PIAS1: variants seen among roughly 807,000 people sequenced by gnomAD.
PIAS1 encodes the protein protein inhibitor of activated STAT 1, also known as E3 SUMO-protein ligase PIAS1.
A neutral mutation model predicts 71.3 loss-of-function variants in PIAS1; 6 were observed. The observed-to-expected ratio is 0.08, with a 90% CI of 0.05 to 0.17. The LOEUF is 0.17. Ranked by LOEUF, PIAS1 falls within the 10% of genes least tolerant of loss-of-function variation. PIAS1 has a pLI of 1.00. For missense variants in PIAS1, 555 were observed against 793.6 expected, an observed-to-expected ratio of 0.70 and a Z score of 3.61; for synonymous variants, 303 against 292.9, an observed-to-expected ratio of 1.03 and a Z score of -0.35.
intron 11 of PIAS1, among the ~76,000 whole-genome samples, chr15:68,179,561 G>GTTTTTTTTTT (rs1307028845): frequency 5.3e-4 from 16 of 30,184 alleles, no homozygotes; most frequent in Admixed American, 9.0e-4. Context: ...CTCGTGAAAT[G>GTTTTTTTTTT]TTCTTTTTTT....
At chr15:68,127,216 G>T (rs527770717) in intron 2 of PIAS1, among the ~76,000 whole-genome samples, 4 of 152,200 alleles carry the variant, frequency 2.6e-5, no homozygotes, top group East Asian at 1.9e-4. Flanking sequence ...GAGCCACCGC[G>T]CCTGGTCATT....
In PIAS1 at chr15:68,187,830, G is replaced by C; in HGVS notation, c.1951G>C (p.Asp651His). ...CATCATACCAGACATTATTTCATTG[G>C]ACTGATTCCCAGGCCCTGCTGCTCC... The part of the protein sequence containing the change: ...FGIIPDIISL[D>H] The change falls in exon 14 of 14, where the codon GAC (aspartate) becomes CAC (histidine). Residue 651 changes from aspartate to histidine, a missense_variant. By Grantham distance (81) the Asp-to-His change is moderately conservative. Transcript: ENST00000249636. The surrounding 1 kb of genome is among the most constrained non-coding windows in gnomAD (Gnocchi z 5.3). The C allele has an allele frequency of 1.2e-6, 2 of 1,611,762 alleles. No individual in the cohort carries two copies. The highest frequency in any genetic ancestry group is 1.7e-6 in the Non-Finnish European group (2 of 1,178,864).
At chr15:68,082,149 G>T (rs182990208) in intron 1 of PIAS1, among the ~76,000 whole-genome samples, 121 of 152,220 alleles carry the variant, frequency 7.9e-4, no homozygotes, top group African/African-American at 2.8e-3. Context: ...AAGGGTAAAT[G>T]AAGATTTTAA....
At chr15:68,157,375 A>G (rs375396488) in intron 7 of PIAS1, among the ~76,000 whole-genome samples, 4 of 152,272 alleles carry the variant, frequency 2.6e-5, no homozygotes, top group South Asian at 2.1e-4. Context: ...AAGCTCCTCT[A>G]TGGATAGAGC....
intron 2 of PIAS1, among the ~76,000 whole-genome samples, chr15:68,089,785 A>AC (rs1331733351): frequency 6.6e-6 from 1 of 151,862 alleles, no homozygotes; most frequent in Admixed American, 6.6e-5. Flanking sequence ...TGAGCTCCTG[A>AC]CCTCAGTTGA....
At chr15:68,070,776 A>G (rs969815756) in intron 1 of PIAS1, among the ~76,000 whole-genome samples, 2 of 152,172 alleles carry the variant, frequency 1.3e-5, no homozygotes, top group South Asian at 2.1e-4. Context: ...ATTAAAATTA[A>G]TTTCACCTAC....
In PIAS1 at chr15:68,119,810, T is replaced by C. The variant is rs147359663; in HGVS notation, c.470-22136T>C. ...TTGTGGATTTGTTTATTTCTCATTG[T>C]AGTTCTATCAGTTTTTGCTTCATGT... On this transcript the variant is annotated intron_variant, in intron 2 of 13. Transcript: ENST00000249636. 3.0e-4 allele frequency among the ~76,000 whole-genome samples: 46 copies of C among 152,348 alleles called. 2 individuals carry two copies. The East Asian group carries it at 3.3e-3, about 11-fold the overall frequency.
chr15:68,123,122 G>A (rs1351786146), intron 2 of PIAS1, among the ~76,000 whole-genome samples: 2 of 152,040 alleles, frequency 1.3e-5, no homozygotes, highest in African/African-American at 2.4e-5. Flanking sequence ...TACAAGCGTA[G>A]CTCACTGCAA....
chr15:68,096,759 T>C (rs543389647), intron 2 of PIAS1, among the ~76,000 whole-genome samples: 2 of 152,296 alleles, frequency 1.3e-5, no homozygotes, highest in East Asian at 3.9e-4. Context: ...TGTGTGTCGA[T>C]TTTGTATCCT....
rs138876877 is a variant in PIAS1 at position 68,157,735 on chromosome 15, G to A, written c.934+4040G>A. Among the ~76,000 whole-genome samples, 7 of 152,002 alleles carry A rather than the reference G, an allele frequency of 4.6e-5. No individual in the cohort carries two copies. The East Asian group carries it at 1.2e-3, about 25-fold the overall frequency. On this transcript the variant is annotated intron_variant, in intron 7 of 13. Coordinates refer to ENST00000249636, the MANE Select transcript of PIAS1 (RefSeq NM_016166.3). ...TTTTATCTTGGGTGCACTTTTCTAC[G>A]CACCCTTATGGTTTAAAACTAACAC...
chr15:68,142,300 G>A lies in PIAS1; in HGVS notation c.565G>A (p.Gly189Arg). The A allele has an allele frequency of 6.2e-7, 1 of 1,605,310 alleles. No individual in the cohort carries two copies. The highest frequency in any genetic ancestry group is 2.2e-5 in the East Asian group (1 of 44,732). ...QQISSSMDIS[G>R]TKCDFTVQVQ... is the part of the protein sequence containing the mutation. ...TTCTGTCTCTTCTAGGGATATTTCT[G>A]GGACCAAATGTGACTTCACAGTACA... Residue 189 changes from glycine (G) to arginine (R), a missense_variant, in exon 4 of 14, where the codon GGG (glycine) becomes AGG (arginine). By Grantham distance (125) the Gly-to-Arg change is moderately radical. Transcript: ENST00000249636.
At chr15:68,117,176 CT>C (rs1407845436) in intron 2 of PIAS1, among the ~76,000 whole-genome samples, 1 of 152,180 alleles carries the variant, frequency 6.6e-6, no homozygotes, top group Non-Finnish European at 1.5e-5. Flanking sequence ...CAGCCTCTGC[CT>C]CCCGGGTTCA....
chr15:68,086,386 C>G lies in PIAS1; in HGVS notation c.105C>G (p.His35Gln). 2 of 1,613,770 alleles carry G rather than the reference C, an allele frequency of 1.2e-6. No individual in the cohort carries two copies. The highest frequency in any genetic ancestry group is 1.7e-6 in the Non-Finnish European group (2 of 1,179,788). ...YAGRNKHGRK[H>Q]ELLTKALHLL... ...GGAGAAACAAGCACGGACGCAAACA[C>G]GAACTTCTCACAAAAGCCCTGCATT... The change falls in exon 2 of 14, where the codon CAC becomes CAG. Residue 35 changes from histidine to glutamine, a missense_variant. Physicochemically the swap from His to Gln is conservative, Grantham distance 24 (BLOSUM62 0). Coordinates refer to ENST00000249636, the MANE Select transcript of PIAS1 (RefSeq NM_016166.3). The surrounding 1 kb of genome is among the most constrained non-coding windows in gnomAD (Gnocchi z 7.2).
At position 68,145,771 on chromosome 15, in the gene PIAS1, G is replaced by A. The variant is rs60794527; in HGVS notation, c.603-45G>A. The A allele has an allele frequency of 1.4e-3, 1,452 of 1,072,152 alleles. 7 individuals carry two copies. In the African/African-American group the frequency reaches 0.014, roughly 11 times the overall value. 66.4% of individuals were successfully genotyped at this position (1,072,152 alleles called of 1,614,324 possible). A position where few individuals can be genotyped will look rare whatever the true frequency, so the allele number is the denominator to read the frequency against. On this transcript the variant is annotated intron_variant, in intron 4 of 13. Coordinates refer to ENST00000249636, the MANE Select transcript of PIAS1 (RefSeq NM_016166.3). The stretch of plus-strand genomic sequence containing the variant: ...TCTATTTAACAATAATACTAATGAA[G>A]TCATCCTTTAATAAAGGAAATTAAA...
Position 68,187,910 on chromosome 15 carries a change from G to GT in PIAS1, c.*79dup. 1.5e-6 allele frequency: 2 copies of GT among 1,359,218 alleles called. No individual in the cohort carries two copies. Among genetic ancestry groups the GT allele is most frequent in the South Asian group, 2.6e-5 (2 of 76,362 alleles). The allele number at this position is 1,359,218 out of a possible 1,614,324, so 84.2% of individuals were successfully genotyped here. A position where few individuals can be genotyped will look rare whatever the true frequency, so the allele number is the denominator to read the frequency against. On this transcript the variant is annotated 3_prime_UTR_variant, in exon 14 of 14. Coordinates refer to ENST00000249636, the MANE Select transcript of PIAS1 (RefSeq NM_016166.3). The surrounding 1 kb of genome is among the most constrained non-coding windows in gnomAD (Gnocchi z 5.3). ...CAGAAAGAAGAGAACTTTGTGCTCT[G>GT]TTTTACCTTACTCTGTTTAGAAAAG...
In PIAS1 at chr15:68,103,188, A is replaced by G. The variant is rs186332977; in HGVS notation, c.469+16438A>G. Among the ~76,000 whole-genome samples the G allele has an allele frequency of 6.9e-3, 1,050 of 152,130 alleles. 5 individuals are homozygous for G. Among genetic ancestry groups the G allele is most frequent in the Middle Eastern group, 0.014 (4 of 292 alleles). ...GTGATCTGCCCGCCTCGCCCACCCA[A>G]AGAGCTAGGATTACAGGTGTGAGCC... On this transcript the variant is annotated intron_variant, in intron 2 of 13. Transcript: ENST00000249636.
intron 2 of PIAS1, among the ~76,000 whole-genome samples, chr15:68,106,460 G>T (rs1595729543): frequency 6.6e-6 from 1 of 151,258 alleles, no homozygotes; most frequent in African/African-American, 2.4e-5. Context: ...GGAGAGTTTT[G>T]TGGTTTCCAA....
chr15:68,081,789 T>C (rs910662379), intron 1 of PIAS1, among the ~76,000 whole-genome samples: 6 of 151,638 alleles, frequency 4.0e-5, no homozygotes, highest in African/African-American at 1.5e-4. Context: ...ATAATAAGTG[T>C]ATAAGAAAGA....
Position 68,182,490 on chromosome 15 carries a change from C to CGTGTGTGTGTGTGTGTGTGTGT in PIAS1, c.1625-1135_1625-1114dup, listed in dbSNP as rs67774530. Among the ~76,000 whole-genome samples the CGTGTGTGTGTGTGTGTGTGTGT allele has an allele frequency of 2.5e-3, 313 of 123,352 alleles. 29 individuals are homozygous for CGTGTGTGTGTGTGTGTGTGTGT. The highest frequency in any genetic ancestry group is 3.0e-3 in the Non-Finnish European group (182 of 59,678). The allele number at this position is 123,352 out of a possible 152,430, so 80.9% of individuals were successfully genotyped here. A position where few individuals can be genotyped will look rare whatever the true frequency, so the allele number is the denominator to read the frequency against. On this transcript the variant is annotated intron_variant, in intron 12 of 13. Coordinates refer to ENST00000249636, the MANE Select transcript of PIAS1 (RefSeq NM_016166.3). ...AGTTTTGCTCTTATTGCTCAGGCTG[C>CGTGTGTGTGTGTGTGTGTGTGT]GTGTGTGTGTGTGTGTGTGTGTGTG...
Sources: allele counts gnomAD v4.1 joint callset (sites outside exome capture counted in the v4.1 genomes callset), GRCh38; gene constraint gnomAD v4.1.1; non-coding constraint Gnocchi (gnomAD v3.1); transcripts MANE v1.5; gene names NCBI Gene and HGNC (gene_info 2026-07-23, HGNC 2026-07-21).